Variants in EML6 observed in about 807,000 individuals in gnomAD.
EML6 encodes the protein echinoderm microtubule-associated protein-like 6.
A neutral mutation model predicts 240.1 loss-of-function variants in EML6; 154 were observed. The observed-to-expected ratio is 0.64, with a 90% CI of 0.56 to 0.73. The LOEUF is 0.73. Among genes scored for constraint, EML6 ranks in the 30% least tolerant of loss-of-function variants. The pLI, the probability that EML6 is intolerant of heterozygous loss-of-function variation, is 0.00. For missense variants in EML6, 2,964 were observed against 2,474.6 expected, an observed-to-expected ratio of 1.20 and a Z score of -4.20; for synonymous variants, 1,148 against 899.0, an observed-to-expected ratio of 1.28 and a Z score of -4.95.
chr2:54,873,360 G>A (rs936406355), intron 16 of EML6, among the ~76,000 whole-genome samples: 21 of 152,200 alleles, frequency 1.4e-4, no homozygotes, highest in African/African-American at 5.1e-4. Context: ...TGTGAGGTAG[G>A]AGAAGGCATA....
chr2:54,902,008 G>T (rs998891312), intron 22 of EML6, among the ~76,000 whole-genome samples: 1 of 152,196 alleles, frequency 6.6e-6, no homozygotes. Context: ...AACCCCTTGG[G>T]AGAATGTTCA....
intron 9 of EML6, among the ~76,000 whole-genome samples, chr2:54,849,577 C>A (rs1669959364): frequency 6.6e-6 from 1 of 152,232 alleles, no homozygotes; most frequent in African/African-American, 2.4e-5. Flanking sequence ...CAAACTCTAC[C>A]TCCCAGGTTC....
At chr2:54,912,885 T>C (rs1394635637) in intron 25 of EML6, among the ~76,000 whole-genome samples, 3 of 152,150 alleles carry the variant, frequency 2.0e-5, no homozygotes, top group Non-Finnish European at 4.4e-5. Context: ...TACATGTGTC[T>C]TTTTGGTAGA....
chr2:54,730,882 A>C (rs1466100431), intron 2 of EML6, among the ~76,000 whole-genome samples: 1 of 152,230 alleles, frequency 6.6e-6, no homozygotes, highest in African/African-American at 2.4e-5. Flanking sequence ...AACATGACAA[A>C]GTTTCTGCCG....
At chr2:54,949,940 G>C (rs1294260559) in intron 29 of EML6, among the ~76,000 whole-genome samples, 1 of 152,194 alleles carries the variant, frequency 6.6e-6, no homozygotes, top group East Asian at 1.9e-4. Flanking sequence ...TTTCTGTAGA[G>C]TCTTTCCTGA....
chr2:54,897,307 C>G (rs941633921), intron 21 of EML6, among the ~76,000 whole-genome samples: 1 of 152,158 alleles, frequency 6.6e-6, no homozygotes, highest in Admixed American at 6.5e-5. Context: ...CTCTACAATT[C>G]TATTCTTTCC....
intron 34 of EML6, among the ~76,000 whole-genome samples, chr2:54,959,678 C>G (rs1226263490): frequency 1.3e-5 from 2 of 152,152 alleles, no homozygotes; most frequent in African/African-American, 2.4e-5. Flanking sequence ...AGGAGAATGG[C>G]TGGAACCCAG....
chr2:54,884,218 G>A lies in EML6; in HGVS notation c.2438+4578G>A, dbSNP rs531098278. Among the ~76,000 whole-genome samples the A allele has an allele frequency of 1.8e-4, 18 of 99,618 alleles. No homozygotes were observed. The South Asian group carries it at 6.0e-3, about 33-fold the overall frequency. The allele number at this position is 99,618 out of a possible 152,430, so 65.4% of individuals were successfully genotyped here. ...GAACTCGGACATACTTACTTCATTTGCCAGGTTATTACAAAGGTTATGGTT... is the reference window on the plus strand; with the variant it reads ...GAACTCGGACATACTTACTTCATTTACCAGGTTATTACAAAGGTTATGGTT... On this transcript the variant is annotated intron_variant, in intron 17 of 41. Transcript: ENST00000356458.
At chr2:54,748,028 C>T (rs147719910) in intron 2 of EML6, among the ~76,000 whole-genome samples, 23 of 152,106 alleles carry the variant, frequency 1.5e-4, no homozygotes, top group African/African-American at 5.3e-4. Flanking sequence ...GCAAGGTATT[C>T]CAGTAATTCT....
rs576754658 is a variant in EML6 at position 54,968,969 on chromosome 2, A to G, written c.5852+201A>G. ...TTACTCTTTGGTGACTGTCAACCCA[A>G]TGGTTGTGACTGGAGCTGTCCTGGG... On this transcript the variant is annotated intron_variant, in intron 41 of 41. Coordinates refer to ENST00000356458, the MANE Select transcript of EML6 (RefSeq NM_001039753.4). Among the ~76,000 whole-genome samples, 8 of 152,164 alleles carry G rather than the reference A, an allele frequency of 5.3e-5. No homozygotes were observed. The South Asian group carries it at 1.5e-3, about 28-fold the overall frequency.
intron 2 of EML6, among the ~76,000 whole-genome samples, chr2:54,794,164 G>A (rs572630453): frequency 6.6e-6 from 1 of 152,324 alleles, no homozygotes; most frequent in Non-Finnish European, 1.5e-5. Flanking sequence ...GGCTAAGATA[G>A]ATTAGGCAGC....
At chr2:54,857,091 A>G (rs1352927807) in intron 11 of EML6, among the ~76,000 whole-genome samples, 1 of 152,150 alleles carries the variant, frequency 6.6e-6, no homozygotes, top group Non-Finnish European at 1.5e-5. Flanking sequence ...GCATTTACAG[A>G]GCTGGGAAAA....
intron 2 of EML6, among the ~76,000 whole-genome samples, chr2:54,763,078 C>A (rs183993147): frequency 2.6e-4 from 39 of 152,252 alleles, no homozygotes; most frequent in Non-Finnish European, 5.1e-4. Flanking sequence ...TCTTTTCTTC[C>A]ATAGTGAGAA....
At chr2:54,909,795 G>A (rs1362903465) in intron 24 of EML6, among the ~76,000 whole-genome samples, 1 of 133,668 alleles carries the variant, frequency 7.5e-6, no homozygotes, top group East Asian at 2.3e-4. Flanking sequence ...AGTGAGCCAA[G>A]ATTACACCAC....
chr2:54,746,630 A>T (rs1241491769), intron 2 of EML6, among the ~76,000 whole-genome samples: 1 of 152,192 alleles, frequency 6.6e-6, no homozygotes, highest in African/African-American at 2.4e-5. Flanking sequence ...TTCAGGACTT[A>T]GTTTTTTTCT....
chr2:54,895,730 ATGT>A (rs1218747045), intron 21 of EML6, among the ~76,000 whole-genome samples: 2 of 152,140 alleles, frequency 1.3e-5, no homozygotes, highest in Non-Finnish European at 2.9e-5. Context: ...AAGCTCACTC[ATGT>A]TGTTGGCAGA....
At chr2:54,788,817 T>G (rs1192674825) in intron 2 of EML6, among the ~76,000 whole-genome samples, 1 of 152,228 alleles carries the variant, frequency 6.6e-6, no homozygotes. Context: ...CCTGAAGTTT[T>G]TATTGACTTT....
intron 7 of EML6, among the ~76,000 whole-genome samples, chr2:54,842,679 G>C (rs904730450): frequency 6.6e-6 from 1 of 152,088 alleles, no homozygotes; most frequent in Non-Finnish European, 1.5e-5. Flanking sequence ...TTTCTAATTC[G>C]GATTCAAAAA....
chr2:54,900,314 C>A (rs1350321130), intron 22 of EML6, among the ~76,000 whole-genome samples: 1 of 152,150 alleles, frequency 6.6e-6, no homozygotes, highest in Non-Finnish European at 1.5e-5. Flanking sequence ...ATGAATGGTC[C>A]CATCTCTAGT....
Sources: gnomAD v4.1 joint callset for allele counts (sites outside exome capture counted in the v4.1 genomes callset) on GRCh38, gnomAD v4.1.1 for gene constraint, MANE v1.5 for transcripts, NCBI Gene and HGNC (gene_info 2026-07-23, HGNC 2026-07-21) for gene names.